DSCAM: variants seen among roughly 807,000 people sequenced by gnomAD.
DSCAM encodes cell adhesion molecule DSCAM.
Under a neutral mutation model 217.7 loss-of-function variants are expected in DSCAM, and 47 were observed. The ratio of observed to expected loss-of-function variants is 0.22; its 90% CI spans 0.17 to 0.28. The LOEUF (loss-of-function observed/expected upper bound fraction) is 0.28, where lower values mean the gene tolerates loss of function less well. Among genes scored for constraint, DSCAM ranks in the 10% least tolerant of loss-of-function variants. DSCAM has a pLI of 1.00. For missense variants in DSCAM, 2,080 were observed against 2,618.3 expected, an observed-to-expected ratio of 0.79 and a Z score of 4.49; for synonymous variants, 1,056 against 1,015.3, an observed-to-expected ratio of 1.04 and a Z score of -0.76.
chr21:40,761,322 A>T (rs1016042913), intron 1 of DSCAM, among the ~76,000 whole-genome samples: 1 of 151,954 alleles, frequency 6.6e-6, no homozygotes, highest in African/African-American at 2.4e-5. Flanking sequence ...ATCTACATGT[A>T]TTTCCTGGCT....
chr21:40,035,537 GA>G (rs2088602859), intron 32 of DSCAM, among the ~76,000 whole-genome samples: 2 of 133,118 alleles, frequency 1.5e-5, no homozygotes, highest in Admixed American at 7.4e-5. Flanking sequence ...GACCTACAAA[GA>G]GACTTAGACT....
intron 8 of DSCAM, among the ~76,000 whole-genome samples, chr21:40,323,570 T>C (rs1263502062): frequency 2.0e-5 from 3 of 152,212 alleles, no homozygotes; most frequent in African/African-American, 7.2e-5. Context: ...ATTTTAAAAT[T>C]GTTGCTCACT....
chr21:40,015,604 T>G (rs570457883), intron 32 of DSCAM, among the ~76,000 whole-genome samples: 19 of 152,080 alleles, frequency 1.2e-4, no homozygotes, highest in African/African-American at 3.4e-4. Flanking sequence ...TAATTATTAT[T>G]CTTAAAATAT....
chr21:40,316,505 T>G (rs1208645366), intron 8 of DSCAM, among the ~76,000 whole-genome samples: 1 of 152,170 alleles, frequency 6.6e-6, no homozygotes, highest in Non-Finnish European at 1.5e-5. Context: ...TTCTCATGAT[T>G]TTGGGAAAGC....
Position 40,037,370 on chromosome 21 carries a change from T to C in DSCAM, c.5686+5001A>G, listed in dbSNP as rs112681279. On this transcript the variant is annotated intron_variant, in intron 32 of 32. Transcript: ENST00000400454. ...AGTCACAAGCATTCTTATACACCAA[T>C]AACAGACAAACAGAGAGCCAAATCA... Among the ~76,000 whole-genome samples the C allele has an allele frequency of 1.5e-3, 220 of 143,696 alleles. 1 individual carries two copies. Among genetic ancestry groups the C allele is most frequent in the African/African-American group, 2.5e-3 (91 of 35,814 alleles). 94.3% of individuals were successfully genotyped at this position (143,696 alleles called of 152,430 possible). A position where few individuals can be genotyped will look rare whatever the true frequency, so the allele number is the denominator to read the frequency against.
At chr21:40,534,712 T>C (rs2076481706) in intron 3 of DSCAM, among the ~76,000 whole-genome samples, 1 of 152,238 alleles carries the variant, frequency 6.6e-6, no homozygotes, top group Admixed American at 6.5e-5. Context: ...TATAGAGTGA[T>C]ATATTTTTAA....
chr21:40,799,409 A>G (rs2091719262), intron 1 of DSCAM, among the ~76,000 whole-genome samples: 1 of 152,186 alleles, frequency 6.6e-6, no homozygotes, highest in Non-Finnish European at 1.5e-5. Context: ...AAAAAACTCA[A>G]AGTAAATTAT....
chr21:40,249,499 T>C (rs1432785869), intron 11 of DSCAM, among the ~76,000 whole-genome samples: 1 of 152,192 alleles, frequency 6.6e-6, no homozygotes, highest in Non-Finnish European at 1.5e-5. Context: ...CTAAACTTTT[T>C]TTCTTCCCAG....
chr21:40,444,114 C>G (rs1463136836), intron 3 of DSCAM, among the ~76,000 whole-genome samples: 1 of 152,110 alleles, frequency 6.6e-6, no homozygotes, highest in Non-Finnish European at 1.5e-5. Context: ...ACTTTCCTTT[C>G]TCAACTTTGA....
chr21:40,038,951 G>T (rs2088686108), intron 32 of DSCAM, among the ~76,000 whole-genome samples: 1 of 147,682 alleles, frequency 6.8e-6, no homozygotes, highest in African/African-American at 2.5e-5. Flanking sequence ...CTCACTCATA[G>T]GTGGGAATTG....
intron 4 of DSCAM, among the ~76,000 whole-genome samples, chr21:40,360,518 T>C (rs997030694): frequency 2.0e-5 from 3 of 152,138 alleles, no homozygotes; most frequent in Non-Finnish European, 2.9e-5. Context: ...TTTGTGTCCA[T>C]GTGTGGTCAA....
chr21:40,096,680 A>C (rs1461165304), intron 20 of DSCAM, among the ~76,000 whole-genome samples: 1 of 152,076 alleles, frequency 6.6e-6, no homozygotes, highest in Non-Finnish European at 1.5e-5. Flanking sequence ...CAAGATACTC[A>C]GTGAATTCTA....
intron 1 of DSCAM, among the ~76,000 whole-genome samples, chr21:40,787,435 A>G (rs980090410): frequency 6.6e-6 from 1 of 152,178 alleles, no homozygotes; most frequent in East Asian, 1.9e-4. Context: ...CCACTTCCTC[A>G]TATCAGGCCC....
intron 3 of DSCAM, among the ~76,000 whole-genome samples, chr21:40,413,516 G>A (rs1207099915): frequency 1.3e-5 from 2 of 152,180 alleles, no homozygotes; most frequent in African/African-American, 4.8e-5. Flanking sequence ...GACTTACATG[G>A]GGCCTGTAGC....
chr21:40,448,593 TATAATAAATCA>T (rs566220431), intron 3 of DSCAM, among the ~76,000 whole-genome samples: 91 of 152,208 alleles, frequency 6.0e-4, no homozygotes, highest in African/African-American at 1.5e-3. Context: ...TCTATTTATC[TATAATAAATCA>T]ATAATAAATC....
chr21:40,579,629 T>C (rs184641470), intron 3 of DSCAM, among the ~76,000 whole-genome samples: 1 of 152,224 alleles, frequency 6.6e-6, no homozygotes, highest in Admixed American at 6.5e-5. Flanking sequence ...GCCAGAGAAA[T>C]ATATTCCAAC....
intron 1 of DSCAM, among the ~76,000 whole-genome samples, chr21:40,814,502 T>C (rs1418204502): frequency 6.6e-6 from 1 of 152,252 alleles, no homozygotes; most frequent in Non-Finnish European, 1.5e-5. Flanking sequence ...TTACATCTAA[T>C]AGCTATTTTA....
At chr21:40,143,283 A>T (rs1028514392) in intron 17 of DSCAM, among the ~76,000 whole-genome samples, 1 of 152,220 alleles carries the variant, frequency 6.6e-6, no homozygotes, top group African/African-American at 2.4e-5. Context: ...GCTTTTGTAA[A>T]CCTTAAATGT....
At chr21:40,496,305 T>C (rs990179092) in intron 3 of DSCAM, among the ~76,000 whole-genome samples, 1 of 152,170 alleles carries the variant, frequency 6.6e-6, no homozygotes, top group Non-Finnish European at 1.5e-5. Context: ...CAGATGGTAC[T>C]GGCATAGAAA....
Sources: gnomAD v4.1 joint callset for allele counts (sites outside exome capture counted in the v4.1 genomes callset) on GRCh38, gnomAD v4.1.1 for gene constraint, MANE v1.5 for transcripts, NCBI Gene and HGNC (gene_info 2026-07-23, HGNC 2026-07-21) for gene names.